Variants in NPAS3 observed in about 807,000 individuals in gnomAD.
The protein encoded by NPAS3 is neuronal PAS domain protein 3.
In NPAS3, 14 loss-of-function variants were observed where a neutral mutation model predicts 73.1. The observed-to-expected ratio is 0.19, with a 90% CI of 0.13 to 0.30. The LOEUF (loss-of-function observed/expected upper bound fraction) is 0.30, where lower values mean the gene tolerates loss of function less well. NPAS3 is among the 10% of genes least tolerant of loss of function. The pLI, the probability that NPAS3 is intolerant of heterozygous loss-of-function variation, is 1.00. For missense variants in NPAS3, 1,096 were observed against 1,250.0 expected, an observed-to-expected ratio of 0.88 and a Z score of 1.86; for synonymous variants, 620 against 541.5, an observed-to-expected ratio of 1.14 and a Z score of -2.01.
At chr14:33,474,500 G>A (rs1012954132) in intron 4 of NPAS3, among the ~76,000 whole-genome samples, 3 of 152,054 alleles carry the variant, frequency 2.0e-5, no homozygotes, top group Non-Finnish European at 2.9e-5. Context: ...TGGACGGAGA[G>A]GAGGTAAAAT....
chr14:33,567,013 T>C (rs905369780), intron 5 of NPAS3, among the ~76,000 whole-genome samples: 2 of 152,210 alleles, frequency 1.3e-5, no homozygotes, highest in East Asian at 1.9e-4. Context: ...TTCCACAGGG[T>C]AATAATCGAC....
At chr14:33,793,955 A>C (rs1323497505) in exon 10 of NPAS3, 1 of 1,613,818 alleles carries the variant, frequency 6.2e-7, no homozygotes, top group Admixed American at 1.7e-5. Flanking sequence ...AGAACGGAGG[A>C]TATATTTGGA....
chr14:33,771,244 A>G (rs140188932), intron 7 of NPAS3, among the ~76,000 whole-genome samples: 276 of 152,340 alleles, frequency 1.8e-3, no homozygotes, highest in Admixed American at 2.7e-3. Context: ...GGAAAAAAAT[A>G]TGTTAATTTA....
chr14:33,751,171 T>C (rs1161893572), intron 7 of NPAS3, among the ~76,000 whole-genome samples: 1 of 152,126 alleles, frequency 6.6e-6, no homozygotes, highest in Non-Finnish European at 1.5e-5. Context: ...AGGATGAAGA[T>C]TAAGAGTGTT....
At chr14:33,520,322 C>A (rs1026051889) in intron 4 of NPAS3, among the ~76,000 whole-genome samples, 4 of 152,038 alleles carry the variant, frequency 2.6e-5, no homozygotes, top group Non-Finnish European at 5.9e-5. Flanking sequence ...CGCTTTGAGA[C>A]GAAATAGGGT....
intron 4 of NPAS3, among the ~76,000 whole-genome samples, chr14:33,370,994 T>C (rs922887173): frequency 2.0e-5 from 3 of 152,198 alleles, no homozygotes; most frequent in African/African-American, 7.2e-5. Context: ...CACTGGTGTA[T>C]AGATGAATGA....
intron 5 of NPAS3, among the ~76,000 whole-genome samples, chr14:33,638,817 T>G (rs1353469859): frequency 1.3e-5 from 2 of 152,238 alleles, no homozygotes; most frequent in African/African-American, 2.4e-5. Context: ...TTGTTGGGAT[T>G]TCTTCTGACA....
chr14:33,417,582 T>G (rs963085141), intron 4 of NPAS3, among the ~76,000 whole-genome samples: 3 of 152,088 alleles, frequency 2.0e-5, no homozygotes, highest in Admixed American at 6.6e-5. Context: ...TCAATTATTT[T>G]GAGGAATAAA....
chr14:32,998,047 A>T (rs191616072), intron 1 of NPAS3, among the ~76,000 whole-genome samples: 1 of 152,324 alleles, frequency 6.6e-6, no homozygotes, highest in Non-Finnish European at 1.5e-5. Flanking sequence ...AAATATTTGA[A>T]AATGGGTACT....
intron 5 of NPAS3, chr14:33,578,332 T>C (rs1165460931): frequency 2.4e-6 from 1 of 416,422 alleles, no homozygotes; most frequent in Non-Finnish European, 4.7e-6. Context: ...TAGCTGGAAT[T>C]ACAGGCATGT....
chr14:33,033,276 C>T (rs1595282178), intron 1 of NPAS3, among the ~76,000 whole-genome samples: 1 of 152,066 alleles, frequency 6.6e-6, no homozygotes, highest in South Asian at 2.1e-4. Context: ...GTCAGGAGTT[C>T]GAGAACAGCC....
intron 7 of NPAS3, among the ~76,000 whole-genome samples, chr14:33,753,295 C>A (rs1001937433): frequency 1.3e-5 from 2 of 150,796 alleles, no homozygotes; most frequent in Non-Finnish European, 2.9e-5. Context: ...CAGGGAAAAT[C>A]TGCTCTGTAG....
chr14:33,531,406 A>G lies in NPAS3; in HGVS notation c.469-28715A>G, dbSNP rs2054037824. ...GGCCACTGATTTGTTCTCCTTCCTTATAATTGTATCTTTATGAGAACGTCA... is the reference window on the plus strand; with the variant it reads ...GGCCACTGATTTGTTCTCCTTCCTTGTAATTGTATCTTTATGAGAACGTCA... On this transcript the variant is annotated intron_variant, in intron 4 of 11. Coordinates refer to ENST00000356141, the Ensembl canonical transcript of NPAS3. Among the ~76,000 whole-genome samples the G allele has an allele frequency of 2.0e-5, 3 of 152,166 alleles. No homozygotes were observed. In the South Asian group the frequency reaches 6.2e-4, roughly 32 times the overall value.
chr14:33,350,497 G>A (rs543242005), intron 3 of NPAS3, among the ~76,000 whole-genome samples: 8 of 152,090 alleles, frequency 5.3e-5, no homozygotes, highest in Non-Finnish European at 1.2e-4. Flanking sequence ...AATCCAAATC[G>A]TACATTAAAC....
intron 4 of NPAS3, among the ~76,000 whole-genome samples, chr14:33,438,059 GT>G (rs755842679): frequency 7.4e-4 from 113 of 152,238 alleles, no homozygotes; most frequent in Non-Finnish European, 1.3e-3. Flanking sequence ...ACTGTATCGC[GT>G]TTGGAAAATA....
chr14:33,437,012 G>A lies in NPAS3; in HGVS notation c.468+69744G>A, dbSNP rs187066953. Among the ~76,000 whole-genome samples, 139 of 152,270 alleles carry A rather than the reference G, an allele frequency of 9.1e-4. 1 individual carries two copies. Among genetic ancestry groups the A allele is most frequent in the Non-Finnish European group, 1.7e-3 (113 of 68,018 alleles). On this transcript the variant is annotated intron_variant, in intron 4 of 11. Transcript: ENST00000356141. ...GCTTACTTTTGGGCTTTTGAAAAAC[G>A]TGTAAAATCATCCAATGAGAAGTAA...
chr14:33,469,249 CA>C (rs537758374), intron 4 of NPAS3, among the ~76,000 whole-genome samples: 28 of 149,170 alleles, frequency 1.9e-4, no homozygotes, highest in Non-Finnish European at 3.5e-4. Flanking sequence ...GGTGATTCAG[CA>C]AATGCCTTCC....
At chr14:33,636,013 C>A (rs2058504684) in intron 5 of NPAS3, among the ~76,000 whole-genome samples, 1 of 152,170 alleles carries the variant, frequency 6.6e-6, no homozygotes, top group Non-Finnish European at 1.5e-5. Context: ...GGCACGATCT[C>A]CGCCTCCCAG....
intron 1 of NPAS3, among the ~76,000 whole-genome samples, chr14:32,982,983 G>T (rs1304335865): frequency 3.3e-5 from 5 of 152,120 alleles, no homozygotes; most frequent in Non-Finnish European, 7.3e-5. Flanking sequence ...ACAGTTTATA[G>T]CATGGCATGC....
Sources: allele counts gnomAD v4.1 joint callset (sites outside exome capture counted in the v4.1 genomes callset), GRCh38; gene constraint gnomAD v4.1.1; transcripts MANE v1.5; gene names NCBI Gene and HGNC (gene_info 2026-07-23, HGNC 2026-07-21).